The following MAP4K3 variants were observed in gnomAD, a reference collection of about 807,000 sequenced individuals.
MAP4K3 encodes the protein MAPK/ERK kinase kinase kinase 3.
A neutral mutation model predicts 143.5 loss-of-function variants in MAP4K3; 94 were observed. That is an observed-to-expected ratio of 0.65 (90% CI 0.55 to 0.78). The LOEUF is 0.78. Ranked by LOEUF, MAP4K3 falls within the 30% of genes least tolerant of loss-of-function variation. MAP4K3 has a pLI of 0.00. For synonymous variants in MAP4K3, 416 were observed against 347.2 expected (o/e 1.20, Z -2.20); for missense variants, 1,077 against 1,068.1 (o/e 1.01, Z -0.12).
At chr2:39,287,850 T>G (rs1030845455) in intron 20 of MAP4K3, among the ~76,000 whole-genome samples, 1 of 152,166 alleles carries the variant, frequency 6.6e-6, no homozygotes, top group Admixed American at 6.5e-5. Flanking sequence ...TTCCACACCG[T>G]AGCTAAATGA....
At chr2:39,422,994 C>T (rs1426824832) in intron 1 of MAP4K3, among the ~76,000 whole-genome samples, 1 of 152,002 alleles carries the variant, frequency 6.6e-6, no homozygotes, top group East Asian at 1.9e-4. Context: ...AAAGACAAGC[C>T]ACACACTGGG....
chr2:39,310,426 AT>A lies in MAP4K3; in HGVS notation c.998-908del, dbSNP rs750066578. On this transcript the variant is annotated intron_variant, in intron 13 of 33. Coordinates refer to ENST00000263881, the MANE Select transcript of MAP4K3 (RefSeq NM_003618.4). ...ATGTTGTTGCAAATGACAGGATTTC[AT>A]TTTTTTTATGACTGAATAATATTCT... 3.0e-4 allele frequency among the ~76,000 whole-genome samples: 45 copies of A among 152,072 alleles called. 1 individual carries two copies. The highest frequency in any genetic ancestry group is 7.2e-4 in the Admixed American group (11 of 15,264).
chr2:39,322,861 G>A (rs1683357623), intron 12 of MAP4K3, among the ~76,000 whole-genome samples: 1 of 151,754 alleles, frequency 6.6e-6, no homozygotes, highest in African/African-American at 2.4e-5. Context: ...GTAGAGACGG[G>A]GTTTCACCAT....
At chr2:39,293,082 A>G (rs1302116349) in intron 17 of MAP4K3, 148 bp downstream of exon 17, 5 of 718,926 alleles carry the variant, frequency 7.0e-6, no homozygotes, top group Non-Finnish European at 9.6e-6. Context: ...ATACCACTGC[A>G]ATCCAGCCTG....
At chr2:39,415,980 A>AATATATATAT (rs1553318574) in intron 1 of MAP4K3, among the ~76,000 whole-genome samples, 305 of 14,708 alleles carry the variant, frequency 0.021, 12 homozygotes, top group East Asian at 0.075. Context: ...AAAAAAAAAA[A>AATATATATAT]ATATATATAT....
rs766076083 is a variant in MAP4K3, at chr2:39,436,996, C to A, written c.-9G>T. 12 of 1,607,466 alleles carry A rather than the reference C, an allele frequency of 7.5e-6. No individual in the cohort carries two copies. In the South Asian group the frequency reaches 1.2e-4, roughly 16 times the overall value. The stretch of plus-strand genomic sequence containing the variant: ...TCGAAGCCGGGGTTCATGGCGGGCC[C>A]CAGGTGCCCCCCGCCTCCCTCCCGG... On this transcript the variant is annotated 5_prime_UTR_variant, in exon 1 of 34. Coordinates refer to ENST00000263881, the MANE Select transcript of MAP4K3 (RefSeq NM_003618.4).
At chr2:39,362,077 C>T (rs1008886647) in intron 2 of MAP4K3, among the ~76,000 whole-genome samples, 1 of 151,834 alleles carries the variant, frequency 6.6e-6, no homozygotes, top group African/African-American at 2.4e-5. Context: ...CCAGTTGAAT[C>T]CTGAAAAAAT....
chr2:39,267,185 T>G lies in MAP4K3; in HGVS notation c.2032+4A>C. ...AGCTATATGCTATTGGACAGTTTACTTACCAACACAACACTTCTGGCACCA... is the reference window on the plus strand; with the variant it reads ...AGCTATATGCTATTGGACAGTTTACGTACCAACACAACACTTCTGGCACCA... On this transcript the variant is annotated splice_donor_region_variant and intron_variant, in intron 27 of 33. Transcript: ENST00000263881. 1 of 1,614,006 alleles carries G rather than the reference T, an allele frequency of 6.2e-7. No homozygotes were observed.
chr2:39,367,613 T>A (rs1358517140), intron 2 of MAP4K3, among the ~76,000 whole-genome samples: 1 of 151,146 alleles, frequency 6.6e-6, no homozygotes, highest in East Asian at 1.9e-4. Flanking sequence ...AAAAAAAAAG[T>A]CTTACTCTAG....
chr2:39,428,430 T>C (rs1034727327), intron 1 of MAP4K3, among the ~76,000 whole-genome samples: 79 of 152,304 alleles, frequency 5.2e-4, no homozygotes, highest in African/African-American at 1.9e-3. Context: ...TCCCAGCACT[T>C]TGGGAGGCTG....
At chr2:39,263,793 T>A (rs1446031425) in intron 28 of MAP4K3, among the ~76,000 whole-genome samples, 13 of 152,150 alleles carry the variant, frequency 8.5e-5, no homozygotes, top group Non-Finnish European at 4.4e-5. Flanking sequence ...CCTGGTACCA[T>A]CTACCCGGAA....
intron 2 of MAP4K3, among the ~76,000 whole-genome samples, chr2:39,368,325 A>T (rs7568561): frequency 0.88 from 134,527 of 152,038 alleles, 59,721 homozygotes; most frequent in Non-Finnish European, 0.92. Flanking sequence ...TGGGCAAAAA[A>T]TTTTCTGTTT....
chr2:39,252,921 G>C (rs1350578044), intron 32 of MAP4K3, among the ~76,000 whole-genome samples: 1 of 152,164 alleles, frequency 6.6e-6, no homozygotes, highest in African/African-American at 2.4e-5. Context: ...GGTGTGTATT[G>C]ATGGGCTGCC....
At chr2:39,416,686 C>T (rs1667392014) in intron 1 of MAP4K3, among the ~76,000 whole-genome samples, 2 of 152,230 alleles carry the variant, frequency 1.3e-5, no homozygotes, top group Admixed American at 1.3e-4. Flanking sequence ...CCACTGTCCC[C>T]TCTCATATCC....
At chr2:39,347,462 G>A (rs988183691) in intron 3 of MAP4K3, among the ~76,000 whole-genome samples, 13 of 152,160 alleles carry the variant, frequency 8.5e-5, no homozygotes, top group African/African-American at 2.9e-4. Context: ...CAGGTTGAAT[G>A]ACTGTTCTGG....
At chr2:39,260,834 A>G in intron 28 of MAP4K3, 57 bp from the exon 29 acceptor site, 1 of 1,210,932 alleles carries the variant, frequency 8.3e-7, no homozygotes, top group East Asian at 2.4e-5. Flanking sequence ...GAATAATTCT[A>G]TGAGAATACT....
chr2:39,280,573 G>GA (rs1248413503), intron 22 of MAP4K3, among the ~76,000 whole-genome samples: 2 of 148,828 alleles, frequency 1.3e-5, no homozygotes, highest in African/African-American at 4.9e-5. Context: ...ATTTTACTTG[G>GA]AAAAAAGAGA....
rs1329243166 is a variant in MAP4K3, at chr2:39,250,068, A to G, written c.*550T>C. On this transcript the variant is annotated 3_prime_UTR_variant, in exon 34 of 34. Coordinates refer to ENST00000263881, the MANE Select transcript of MAP4K3 (RefSeq NM_003618.4). Reference sequence around the variant, plus strand: ...ACACCAGTGTACTTGCATTAAAATTAAAAAGATTATAAAATGATTACAGCC... The same window carrying G: ...ACACCAGTGTACTTGCATTAAAATTGAAAAGATTATAAAATGATTACAGCC... 1 of 152,510 alleles carries G rather than the reference A, an allele frequency of 6.6e-6. No homozygotes were observed. The highest frequency in any genetic ancestry group is 2.4e-5 in the African/African-American group (1 of 41,404). The allele number at this position is 152,510 out of a possible 1,614,324, so 9.4% of individuals were successfully genotyped here.
chr2:39,265,396 C>T, intron 27 of MAP4K3, 90 bp from the exon 28 acceptor site: 1 of 836,654 alleles, frequency 1.2e-6, no homozygotes, highest in Non-Finnish European at 2.0e-6. Flanking sequence ...CAAAACTAAA[C>T]AAACTAAACA....
Sources: allele counts gnomAD v4.1 joint callset (sites outside exome capture counted in the v4.1 genomes callset), GRCh38; gene constraint gnomAD v4.1.1; transcripts MANE v1.5; gene names NCBI Gene and HGNC (gene_info 2026-07-23, HGNC 2026-07-21).